The following CA10 variants were observed in gnomAD, a reference collection of about 807,000 sequenced individuals.
The protein encoded by CA10 is carbonic anhydrase 10 (inactive).
A neutral mutation model predicts 44.2 loss-of-function variants in CA10; 14 were observed. That is an observed-to-expected ratio of 0.32 (90% CI 0.21 to 0.50). The LOEUF (loss-of-function observed/expected upper bound fraction) is 0.50, where lower values mean the gene tolerates loss of function less well. Ranked by LOEUF, CA10 falls within the 20% of genes least tolerant of loss-of-function variation. CA10 has a pLI of 0.99. For missense variants in CA10, 350 were observed against 409.7 expected, an observed-to-expected ratio of 0.85 and a Z score of 1.26; for synonymous variants, 159 against 141.6, an observed-to-expected ratio of 1.12 and a Z score of -0.87.
intron 3 of CA10, among the ~76,000 whole-genome samples, chr17:51,749,767 G>C (rs1275876553): frequency 6.6e-6 from 1 of 152,212 alleles, no homozygotes; most frequent in Non-Finnish European, 1.5e-5. Flanking sequence ...ATCAGAGAGA[G>C]AGGACTGAGG....
chr17:51,955,644 C>A (rs138835197), intron 2 of CA10, among the ~76,000 whole-genome samples: 127 of 152,246 alleles, frequency 8.3e-4, no homozygotes, highest in African/African-American at 2.8e-3. Context: ...CCCACCTAAG[C>A]TTTTTCTCTG....
At chr17:51,882,192 G>A (rs1405200505) in intron 3 of CA10, among the ~76,000 whole-genome samples, 3 of 151,872 alleles carry the variant, frequency 2.0e-5, no homozygotes, top group Admixed American at 2.0e-4. Context: ...TACAGTATTC[G>A]CTATGTATAT....
intron 7 of CA10, among the ~76,000 whole-genome samples, chr17:51,634,065 C>G (rs1291615230): frequency 6.6e-6 from 1 of 152,106 alleles, no homozygotes; most frequent in Admixed American, 6.5e-5. Flanking sequence ...CTAAGCTGGA[C>G]CAGTTTGGTT....
intron 3 of CA10, among the ~76,000 whole-genome samples, chr17:51,749,344 T>C (rs970935311): frequency 6.6e-6 from 1 of 152,228 alleles, no homozygotes; most frequent in Non-Finnish European, 1.5e-5. Flanking sequence ...AGAGTAGACC[T>C]TGAGGGCATG....
intron 3 of CA10, among the ~76,000 whole-genome samples, chr17:51,837,225 T>A (rs202133): frequency 6.6e-6 from 1 of 151,908 alleles, no homozygotes; most frequent in African/African-American, 2.4e-5. Flanking sequence ...AAGGCAAAAC[T>A]GAGTTAGCGG....
At chr17:51,874,620 T>C (rs1979970701) in intron 3 of CA10, among the ~76,000 whole-genome samples, 1 of 152,180 alleles carries the variant, frequency 6.6e-6, no homozygotes, top group Non-Finnish European at 1.5e-5. Context: ...TTAACCTTGT[T>C]ACACATGTAA....
intron 3 of CA10, among the ~76,000 whole-genome samples, chr17:51,886,754 C>A (rs1980620297): frequency 6.6e-6 from 1 of 152,274 alleles, no homozygotes; most frequent in South Asian, 2.1e-4. Context: ...CAGAATTATC[C>A]AATCTGTTGA....
At chr17:51,922,266 C>A (rs1467594556) in intron 3 of CA10, among the ~76,000 whole-genome samples, 4 of 152,172 alleles carry the variant, frequency 2.6e-5, no homozygotes, top group Non-Finnish European at 5.9e-5. Context: ...CAAAGATAAT[C>A]TTGGTTCATT....
At position 52,072,322 on chromosome 17, in the gene CA10, G is replaced by A; in HGVS notation, c.133C>T (p.Pro45Ser). Residue 45 changes from proline (P) to serine (S), a missense_variant, in exon 2 of 9, where the codon CCA becomes TCA. Pro to Ser is a moderately conservative substitution (Grantham distance 74). Transcript: ENST00000451037. The stretch of plus-strand genomic sequence containing the variant: ...TAAAGAATTAATGTGTACTTACCTG[G>A]AACAAAGCTTCCCTGGACCACCTCC... ...YKEVVQGSFV[P>S]VPSFWGLVNS... 1 of 1,604,382 alleles carries A rather than the reference G, an allele frequency of 6.2e-7. No homozygotes were observed. The highest frequency in any genetic ancestry group is 2.2e-5 in the East Asian group (1 of 44,826).
intron 2 of CA10, among the ~76,000 whole-genome samples, chr17:51,932,443 CTTAT>C (rs2143997640): frequency 6.6e-6 from 1 of 152,244 alleles, no homozygotes; most frequent in Admixed American, 6.5e-5. Context: ...CTTTGACTCT[CTTAT>C]TTGTTATAGG....
chr17:51,725,064 A>G (rs1266329142), intron 4 of CA10, among the ~76,000 whole-genome samples: 3 of 152,234 alleles, frequency 2.0e-5, no homozygotes, highest in Non-Finnish European at 2.9e-5. Context: ...AGTCAGCCTG[A>G]GACTCGAAGA....
At chr17:51,872,202 A>G (rs934054878) in intron 3 of CA10, among the ~76,000 whole-genome samples, 7 of 152,200 alleles carry the variant, frequency 4.6e-5, no homozygotes, top group African/African-American at 1.7e-4. Context: ...GAATGGAAAT[A>G]CATTTCCTTC....
At chr17:51,888,461 A>C (rs1980711696) in intron 3 of CA10, among the ~76,000 whole-genome samples, 1 of 152,232 alleles carries the variant, frequency 6.6e-6, no homozygotes. Context: ...TGAGAATGAA[A>C]TAATTTGAAG....
chr17:51,929,773 A>T (rs991772598), intron 3 of CA10, among the ~76,000 whole-genome samples: 3 of 152,204 alleles, frequency 2.0e-5, no homozygotes, highest in Non-Finnish European at 4.4e-5. Context: ...TAAAAATAAA[A>T]CTATAAATGG....
intron 4 of CA10, among the ~76,000 whole-genome samples, chr17:51,724,773 C>T (rs1015968283): frequency 2.0e-5 from 3 of 152,186 alleles, no homozygotes; most frequent in African/African-American, 7.2e-5. Context: ...ATGCCTATCC[C>T]TGAAGACCCA....
intron 2 of CA10, among the ~76,000 whole-genome samples, chr17:51,951,918 C>T (rs1171849616): frequency 6.6e-6 from 1 of 152,074 alleles, no homozygotes; most frequent in Non-Finnish European, 1.5e-5. Context: ...CATGTGGCTA[C>T]AATTTTTAAT....
rs561547105 is a variant in CA10, at chr17:52,042,050, A to G, written c.136+30269T>C. Among the ~76,000 whole-genome samples, 187 of 152,206 alleles carry G rather than the reference A, an allele frequency of 1.2e-3. 4 individuals are homozygous for G. The South Asian group carries it at 0.023, about 18-fold the overall frequency. Reference sequence around the variant, plus strand: ...CTTGGCTATAATGGATAGTGCTCCAATGAACATGACACTGCTGGCATCTTA... The same window carrying G: ...CTTGGCTATAATGGATAGTGCTCCAGTGAACATGACACTGCTGGCATCTTA... On this transcript the variant is annotated intron_variant, in intron 2 of 8. Coordinates refer to ENST00000451037, the MANE Select transcript of CA10 (RefSeq NM_020178.5).
intron 3 of CA10, among the ~76,000 whole-genome samples, chr17:51,812,756 T>C (rs950138839): frequency 1.3e-5 from 2 of 152,224 alleles, no homozygotes; most frequent in Non-Finnish European, 2.9e-5. Context: ...TGTAATGCTG[T>C]CCTGAGTCCC....
intron 3 of CA10, among the ~76,000 whole-genome samples, chr17:51,910,944 C>A (rs2143950565): frequency 6.6e-6 from 1 of 152,220 alleles, no homozygotes; most frequent in Non-Finnish European, 1.5e-5. Context: ...TTTGTCAAGT[C>A]TGAACTGTTC....
Sources: gnomAD v4.1 joint callset for allele counts (sites outside exome capture counted in the v4.1 genomes callset) on GRCh38, gnomAD v4.1.1 for gene constraint, MANE v1.5 for transcripts, NCBI Gene and HGNC (gene_info 2026-07-23, HGNC 2026-07-21) for gene names.